The following SPPL2B variants were observed in gnomAD, a reference collection of about 807,000 sequenced individuals.
SPPL2B encodes the protein signal peptide peptidase like 2B.
A neutral mutation model predicts 59.7 loss-of-function variants in SPPL2B; 39 were observed. The ratio of observed to expected loss-of-function variants is 0.65; its 90% confidence interval spans 0.51 to 0.85. SPPL2B has a LOEUF of 0.85. Among genes scored for constraint, SPPL2B ranks in the 40% least tolerant of loss-of-function variants. The pLI is 0.00. For synonymous variants in SPPL2B, 419 were observed against 370.8 expected, an observed-to-expected ratio of 1.13 and a Z score of -1.49; for missense variants, 865 against 849.0, an observed-to-expected ratio of 1.02 and a Z score of -0.23.
chr19:2,339,260 G>A (rs1329792222), intron 5 of SPPL2B, 52 bp downstream of exon 5: 9 of 1,561,588 alleles, frequency 5.8e-6, no homozygotes, highest in African/African-American at 1.4e-5. Flanking sequence ...GCTCTGACAC[G>A]GGCCGGGACG....
At chr19:2,341,515 G>T in intron 8 of SPPL2B, 1 of 445,690 alleles carries the variant, frequency 2.2e-6, no homozygotes, top group Non-Finnish European at 4.6e-6. Context: ...GCTGCCTCCC[G>T]CTGGCCGGGC....
intron 10 of SPPL2B, 72 bp downstream of exon 10, chr19:2,344,111 A>G (rs1040875861): frequency 1.9e-6 from 1 of 535,320 alleles, no homozygotes. Flanking sequence ...CCGCCCCATC[A>G]CCCCCCCCAT....
chr19:2,343,110 C>G, intron 8 of SPPL2B, 101 bp from the exon 9 acceptor site: 1 of 896,624 alleles, frequency 1.1e-6, no homozygotes, highest in Non-Finnish European at 1.8e-6. Context: ...AGTGGGGCTG[C>G]GTGCTGGCTG....
At chr19:2,337,270 CG>C (rs1968705208) in intron 2 of SPPL2B, 172 bp from the exon 3 acceptor site, 1 of 566,294 alleles carries the variant, frequency 1.8e-6, no homozygotes, top group South Asian at 2.6e-5. Flanking sequence ...GCCCAGGGTC[CG>C]GCTGTGGGAG....
intron 2 of SPPL2B, among the ~76,000 whole-genome samples, chr19:2,336,817 C>A (rs1319786670): frequency 7.1e-6 from 1 of 141,384 alleles, no homozygotes; most frequent in Non-Finnish European, 1.5e-5. Flanking sequence ...GCGCGCTGGC[C>A]TGGCTGCGGC....
At chr19:2,352,066 C>G (rs980649718) in intron 14 of SPPL2B, among the ~76,000 whole-genome samples, 2 of 152,194 alleles carry the variant, frequency 1.3e-5, no homozygotes, top group Non-Finnish European at 2.9e-5. Flanking sequence ...GAAGCCCTGT[C>G]CCCTGTCCCC....
At chr19:2,338,942 G>A (rs547507997) in intron 4 of SPPL2B, 101 bp downstream of exon 4, 2 of 1,500,596 alleles carry the variant, frequency 1.3e-6, no homozygotes, top group African/African-American at 2.8e-5. Context: ...TGGGATCAGG[G>A]TGGTGGGTGA....
rs563504581 is a variant in SPPL2B, at chr19:2,332,564, G to T, written c.67-2038G>T. Among the ~76,000 whole-genome samples, 2 of 152,208 alleles carry T rather than the reference G, an allele frequency of 1.3e-5. No individual in the cohort carries two copies. Among genetic ancestry groups the T allele is most frequent in the African/African-American group, 4.8e-5 (2 of 41,446 alleles). On this transcript the variant is annotated intron_variant, in intron 1 of 14. Transcript: ENST00000613503. The surrounding 1 kb of genome is among the most constrained non-coding windows in gnomAD (Gnocchi z 4.6). ...AAATGGCTGTGGCCTGTTTGTTTCC[G>T]TGACAGGTCCCCTGGGGACCAGGGG...
Position 2,335,340 on chromosome 19 carries a change from C to T in SPPL2B, c.186+619C>T, listed in dbSNP as rs752915656. Among the ~76,000 whole-genome samples the T allele has an allele frequency of 1.3e-3, 141 of 108,646 alleles. 14 individuals are homozygous for T. The highest frequency in any genetic ancestry group is 5.7e-3 in the Middle Eastern group (1 of 176). The allele number at this position is 108,646 out of a possible 152,430, so 71.3% of individuals were successfully genotyped here. On this transcript the variant is annotated intron_variant, in intron 2 of 14. Coordinates refer to ENST00000613503, the MANE Select transcript of SPPL2B (RefSeq NM_152988.3). ...CATCCTTCAGGCCCCGCCTCATTTC[C>T]CACTGCATCCTTCAGGCCCCGCCTC... is the stretch of plus-strand genomic sequence containing the variant.
chr19:2,351,990 G>A (rs972717562), intron 14 of SPPL2B, among the ~76,000 whole-genome samples: 4 of 152,180 alleles, frequency 2.6e-5, no homozygotes, highest in African/African-American at 4.8e-5. Context: ...TGCCGAGAGC[G>A]AGGCGCCTGA....
chr19:2,340,017 G>C, intron 6 of SPPL2B, 51 bp downstream of exon 6: 1 of 1,556,162 alleles, frequency 6.4e-7, no homozygotes, highest in African/African-American at 1.4e-5. Flanking sequence ...AGCCCGCCCC[G>C]TGCGGAGGGA....
chr19:2,350,247 CTT>C (rs1969835994), intron 13 of SPPL2B, among the ~76,000 whole-genome samples: 2 of 149,468 alleles, frequency 1.3e-5, no homozygotes, highest in Non-Finnish European at 3.0e-5. Flanking sequence ...CACACACACA[CTT>C]GCGCTCTTAT....
At chr19:2,336,841 G>A (rs917338) in intron 2 of SPPL2B, among the ~76,000 whole-genome samples, 14,623 of 150,436 alleles carry the variant, frequency 0.097, 730 homozygotes, top group Middle Eastern at 0.16. Context: ...GTGCGTGTGT[G>A]TGTGTGTGCA....
At chr19:2,344,779 G>C (rs989417375) in intron 12 of SPPL2B, 127 bp downstream of exon 12, 2 of 684,240 alleles carry the variant, frequency 2.9e-6, no homozygotes, top group African/African-American at 1.8e-5. Flanking sequence ...GGTCAGAGTC[G>C]GGCAGGTTGG....
rs966078127 is a variant in SPPL2B, at chr19:2,334,474, C to G, written c.67-128C>G. 6 of 1,319,610 alleles carry G rather than the reference C, an allele frequency of 4.5e-6. No homozygotes were observed. In the African/African-American group the frequency reaches 7.4e-5, roughly 16 times the overall value. The allele number at this position is 1,319,610 out of a possible 1,614,324, so 81.7% of individuals were successfully genotyped here. Reference sequence around the variant, plus strand: ...TGTCCTGTCGAGAGGGGGAAGCATCCCAGACCACCTGGTGAACATGGGCGC... The same window carrying G: ...TGTCCTGTCGAGAGGGGGAAGCATCGCAGACCACCTGGTGAACATGGGCGC... On this transcript the variant is annotated intron_variant, in intron 1 of 14. Coordinates refer to ENST00000613503, the MANE Select transcript of SPPL2B (RefSeq NM_152988.3).
In SPPL2B at chr19:2,339,088, G is replaced by A; in HGVS notation, c.479G>A (p.Arg160Lys). The A allele has an allele frequency of 1.9e-6, 3 of 1,564,632 alleles. No homozygotes were observed. The highest frequency in any genetic ancestry group is 2.6e-6 in the Non-Finnish European group (3 of 1,154,974). ...AGGCAGCGTTTCGGCCGCACGGTGAGGGCGGCGCTGTATGCGCCTAAGGAG... is the reference window on the plus strand; with the variant it reads ...AGGCAGCGTTTCGGCCGCACGGTGAAGGCGGCGCTGTATGCGCCTAAGGAG... ...DIFTRFGRTV[R>K]AALYAPKEPV... is the part of the protein sequence containing the mutation. The change falls in exon 5 of 15, where the codon AGG (arginine) becomes AAG (lysine). Residue 160 changes from arginine to lysine, a missense_variant. Arg to Lys is a conservative substitution (Grantham distance 26). Coordinates refer to ENST00000613503, the MANE Select transcript of SPPL2B (RefSeq NM_152988.3).
At position 2,343,971 on chromosome 19, in the gene SPPL2B, A is replaced by G; in HGVS notation, c.1045A>G (p.Thr349Ala). The G allele has an allele frequency of 6.5e-7, 1 of 1,548,140 alleles. No individual in the cohort carries two copies. Among genetic ancestry groups the G allele is most frequent in the African/African-American group, 1.4e-5 (1 of 72,988 alleles). The part of the protein sequence containing the change: ...TIRLPTFKAC[T>A]LLLLVLFLYD... ...TCAGCCGTGGGCTTCGCAGGCCTGC[A>G]CGCTGCTGCTGCTGGTGCTGTTCCT... Residue 349 changes from threonine (T) to alanine (A), a missense_variant, in exon 10 of 15, where the codon ACG becomes GCG. By Grantham distance (58) the Thr-to-Ala change is moderately conservative. Transcript: ENST00000613503.
At chr19:2,343,145 TG>T in intron 8 of SPPL2B, 65 bp from the exon 9 acceptor site, 1 of 1,329,622 alleles carries the variant, frequency 7.5e-7, no homozygotes, top group Non-Finnish European at 1.1e-6. Flanking sequence ...GTGTGGCTCG[TG>T]GGAGGCGGCG....
chr19:2,338,746 C>G lies in SPPL2B; in HGVS notation c.370-6C>G, dbSNP rs1387387298. 1 of 1,610,594 alleles carries G rather than the reference C, an allele frequency of 6.2e-7. No homozygotes were observed. The highest frequency in any genetic ancestry group is 1.7e-5 in the Admixed American group (1 of 59,908). On this transcript the variant is annotated splice_region_variant and splice_polypyrimidine_tract_variant and intron_variant, in intron 3 of 14. Transcript: ENST00000613503. ...ATGCCTGCCGCTCCCTCCTCTGGGC[C>G]CCCAGGTCCCCCCGGGGGGTAATAA...
Sources: gnomAD v4.1 joint callset for allele counts (sites outside exome capture counted in the v4.1 genomes callset) on GRCh38, gnomAD v4.1.1 for gene constraint, Gnocchi (gnomAD v3.1) non-coding constraint, MANE v1.5 for transcripts, NCBI Gene and HGNC (gene_info 2026-07-23, HGNC 2026-07-21) for gene names.